The following TNXB variants were observed in gnomAD, a reference collection of about 807,000 sequenced individuals.
TNXB encodes tenascin-X.
TNXB carries 183 observed loss-of-function variants against 340.5 expected under a neutral mutation model. The ratio of observed to expected loss-of-function variants is 0.54; its 90% CI spans 0.48 to 0.61. The LOEUF (loss-of-function observed/expected upper bound fraction) is 0.61. Ranked by LOEUF, TNXB falls within the 20% of genes least tolerant of loss-of-function variation. The pLI is 0.00. For missense variants in TNXB, 4,613 were observed against 5,446.4 expected (o/e 0.85, Z 4.82); for synonymous variants, 2,121 against 2,314.5 (o/e 0.92, Z 2.40).
chr6:32,071,027 G>C (rs1778740848), intron 13 of TNXB, among the ~76,000 whole-genome samples: 1 of 152,204 alleles, frequency 6.6e-6, no homozygotes, highest in Non-Finnish European at 1.5e-5. Flanking sequence ...AGGCAGGGAA[G>C]GGATCTGGTG....
chr6:32,074,387 T>C lies in TNXB; in HGVS notation c.4376-435A>G, dbSNP rs1758201175. 6.6e-6 allele frequency among the ~76,000 whole-genome samples: 1 copy of C among 152,228 alleles called. No homozygotes were observed. The highest frequency in any genetic ancestry group is 2.4e-5 in the African/African-American group (1 of 41,466). ...ATGTAAAAGCGCATTGATCTGAACA[T>C]CTGTCTGGTCAACAGTCCTTCACTA... On this transcript the variant is annotated intron_variant, in intron 11 of 43. Coordinates refer to ENST00000644971, the MANE Select transcript of TNXB (RefSeq NM_001365276.2). This position sits in a 1 kb window ranked among gnomAD's most constrained non-coding sequence, Gnocchi z 5.5.
rs1474195317 is a variant in TNXB at position 32,087,740 on chromosome 6, C to T, written c.2779+1045G>A. ...GTCTGGTTGGCCCGCAGTGGGTAGC[C>T]GTGAGCCCGCAGGTGGCGCTCCAGG... On this transcript the variant is annotated intron_variant, in intron 6 of 43. Coordinates refer to ENST00000644971, the MANE Select transcript of TNXB (RefSeq NM_001365276.2). The surrounding 1 kb of genome is among the most constrained non-coding windows in gnomAD (Gnocchi z 9.0). 1 of 498,768 alleles carries T rather than the reference C, an allele frequency of 2.0e-6. No homozygotes were observed. The highest frequency in any genetic ancestry group is 4.0e-6 in the Non-Finnish European group (1 of 251,310). 30.9% of individuals were successfully genotyped at this position (498,768 alleles called of 1,614,324 possible). A position where few individuals can be genotyped will look rare whatever the true frequency, so the allele number is the denominator to read the frequency against.
In TNXB at chr6:32,081,126, G is replaced by T. The variant is rs1779400217; in HGVS notation, c.4042+242C>A. ...ATGAGTCCAGGTGTTTGGAATGGGG[G>T]AAAATAGGACCTGCCCTTGGAGATG... On this transcript the variant is annotated intron_variant, in intron 10 of 43. Transcript: ENST00000644971. The surrounding 1 kb of genome is among the most constrained non-coding windows in gnomAD (Gnocchi z 5.1). Among the ~76,000 whole-genome samples the T allele has an allele frequency of 1.3e-5, 2 of 152,146 alleles. No individual in the cohort carries two copies. Among genetic ancestry groups the T allele is most frequent in the African/African-American group, 4.8e-5 (2 of 41,430 alleles).
chr6:32,053,015 G>A (rs779693355), intron 25 of TNXB, 22 bp from the exon 26 acceptor site: 80 of 1,601,674 alleles, frequency 5.0e-5, no homozygotes, highest in Non-Finnish European at 5.6e-5. Flanking sequence ...GGACAGAGAA[G>A]GTGAGGCAGC....
chr6:32,101,364 C>G (rs1168629936), intron 1 of TNXB, among the ~76,000 whole-genome samples: 1 of 152,104 alleles, frequency 6.6e-6, no homozygotes, highest in African/African-American at 2.4e-5. Context: ...TCTTGGCTCA[C>G]TGCAAGCTCT....
chr6:32,053,517 C>A lies in TNXB; in HGVS notation c.8662G>T (p.Val2888Leu), dbSNP rs1777428933. The A allele has an allele frequency of 6.2e-7, 1 of 1,613,498 alleles. No individual in the cohort carries two copies. The highest frequency in any genetic ancestry group is 1.3e-5 in the African/African-American group (1 of 74,928). ...YRNGDGQPKV[V>L]RVPGHEDGVT... is the part of the protein sequence containing the mutation. ...CCGTCCTCGTGCCCCGGCACCCGCA[C>A]CACCTTGGGCTGCCCATCCCCATTC... Residue 2888 changes from valine (V) to leucine (L), a missense_variant, in exon 25 of 44, where the codon GTG becomes TTG. This residue lies in a region of TNXB where 4,327 missense variants were observed against 4,859.4 expected (regional missense o/e 0.89). Coordinates refer to ENST00000644971, the MANE Select transcript of TNXB (RefSeq NM_001365276.2).
rs957352855 is a variant in TNXB at position 32,096,210 on chromosome 6, C to T, written c.1643G>A (p.Gly548Asp). Residue 548 changes from glycine (G) to aspartate (D), a missense_variant, in exon 3 of 44, where the codon GGC becomes GAC. Transcript: ENST00000644971. ...CGTGCTGCAGTCTTCCCCTGAGTAG[C>T]CTGCGTCACACACGCACACGCCATC... ...CEDGVCVCDA[G>D]YSGEDCSTRS... 6.4e-7 allele frequency: 1 copy of T among 1,568,562 alleles called. No homozygotes were observed. Among genetic ancestry groups the T allele is most frequent in the Non-Finnish European group, 8.6e-7 (1 of 1,160,006 alleles).
At chr6:32,078,254 C>T (rs1424273099) in intron 11 of TNXB, among the ~76,000 whole-genome samples, 2 of 151,800 alleles carry the variant, frequency 1.3e-5, no homozygotes, top group African/African-American at 4.8e-5. Context: ...TTGAGACCAG[C>T]CTGGCCAACA....
chr6:32,098,111 A>C lies in TNXB; in HGVS notation c.88T>G (p.Ser30Ala), dbSNP rs1196850911. 1 of 1,600,760 alleles carries C rather than the reference A, an allele frequency of 6.2e-7. No homozygotes were observed. The highest frequency in any genetic ancestry group is 1.1e-5 in the South Asian group (1 of 89,270). Residue 30 changes from serine to alanine, a missense_variant, in exon 2 of 44, where the codon TCC becomes GCC. Ser to Ala is a moderately conservative substitution (Grantham distance 99). Around this residue, in one of 7 missense-constraint regions of TNXB, gnomAD observed 4,327 missense variants for 4,859.4 expected, o/e 0.89. Transcript: ENST00000644971. ...TARAGPFSSR[S>A]NVTLPAPRPP... ...CGGGGGGCTGGCAGTGTCACATTGG[A>C]CCGTGAAGAGAAGGGGCCTGCTCTG...
chr6:32,055,820 A>G, intron 24 of TNXB, 31 bp downstream of exon 24: 1 of 1,592,656 alleles, frequency 6.3e-7, no homozygotes, highest in Non-Finnish European at 8.6e-7. Context: ...AACATCTTCT[A>G]GGGCCATCTT....
In TNXB at chr6:32,062,453, G is replaced by A; in HGVS notation, c.6872C>T (p.Ala2291Val). ...TTCAGGGGTGGGAGGTTCTGTCGAG[G>A]CTGGGGCCATTTCTTCATCCTTTCC... ...APGKDEEMAP[A>V]STEPPTPEPP... Residue 2291 changes from alanine to valine, a missense_variant, in exon 20 of 44, where the codon GCC becomes GTC. Physicochemically the swap from Ala to Val is moderately conservative, Grantham distance 64. This residue lies in a region of TNXB where 4,327 missense variants were observed against 4,859.4 expected (regional missense o/e 0.89). Coordinates refer to ENST00000644971, the MANE Select transcript of TNXB (RefSeq NM_001365276.2). The surrounding 1 kb of genome is among the most constrained non-coding windows in gnomAD (Gnocchi z 4.3). 2 of 1,608,624 alleles carry A rather than the reference G, an allele frequency of 1.2e-6. No individual in the cohort carries two copies. Among genetic ancestry groups the A allele is most frequent in the Non-Finnish European group, 8.5e-7 (1 of 1,176,524 alleles).
At chr6:32,057,563 T>A (rs1316990869) in intron 22 of TNXB, among the ~76,000 whole-genome samples, 1 of 152,072 alleles carries the variant, frequency 6.6e-6, no homozygotes, top group Non-Finnish European at 1.5e-5. Flanking sequence ...GGCAACCACA[T>A]CCTCATCCCT....
chr6:32,086,149 G>C, intron 6 of TNXB, 31 bp from the exon 7 acceptor site: 1 of 1,463,414 alleles, frequency 6.8e-7, no homozygotes, highest in Non-Finnish European at 9.0e-7. Flanking sequence ...AAAAAGAGGA[G>C]AGTCCAGTAT....
At position 32,079,149 on chromosome 6, in the gene TNXB, C is replaced by T. The variant is rs1779287558; in HGVS notation, c.4259G>A (p.Gly1420Asp). 3.7e-6 allele frequency: 6 copies of T among 1,613,852 alleles called. No homozygotes were observed. Among genetic ancestry groups the T allele is most frequent in the Non-Finnish European group, 4.2e-6 (5 of 1,179,900 alleles). Reference sequence around the variant, plus strand: ...TCCCACGGTGACCTCACTCTCCTTGCCCCCAACACGCACCGCCCGGGGCCG... The same window carrying T: ...TCCCACGGTGACCTCACTCTCCTTGTCCCCAACACGCACCGCCCGGGGCCG... Reference protein sequence around the residue: ...DGRPRAVRVGGKESEVTVGGL... With the variant: ...DGRPRAVRVGDKESEVTVGGL... The change falls in exon 11 of 44, where the codon GGC becomes GAC. Residue 1420 changes from glycine to aspartate, a missense_variant. Gly to Asp is a moderately conservative substitution (Grantham distance 94, BLOSUM62 -1). This residue lies in a region of TNXB where 4,327 missense variants were observed against 4,859.4 expected (regional missense o/e 0.89). Coordinates refer to ENST00000644971, the MANE Select transcript of TNXB (RefSeq NM_001365276.2). The surrounding 1 kb of genome is among the most constrained non-coding windows in gnomAD (Gnocchi z 7.1).
At chr6:32,088,336 A>G (rs1779911855) in intron 6 of TNXB, among the ~76,000 whole-genome samples, 1 of 152,134 alleles carries the variant, frequency 6.6e-6, no homozygotes, top group Non-Finnish European at 1.5e-5. Flanking sequence ...ATCTGTTAAG[A>G]AACCTCGAGG....
Position 32,098,038 on chromosome 6 carries a change from C to T in TNXB, c.161G>A (p.Ser54Asn). ...GTGCTCGTAAAGCTGAGAAGAGGGG[C>T]TTCCCACTCCAGCCCCCACTGTGTG... Reference protein sequence around the residue: ...GGHTVGAGVGSPSSQLYEHTV... With the variant: ...GGHTVGAGVGNPSSQLYEHTV... The change falls in exon 2 of 44, where the codon AGC (serine) becomes AAC (asparagine). Residue 54 changes from serine (S) to asparagine (N), a missense_variant. Transcript: ENST00000644971. The T allele has an allele frequency of 6.2e-7, 1 of 1,607,226 alleles. No individual in the cohort carries two copies. Among genetic ancestry groups the T allele is most frequent in the Non-Finnish European group, 8.5e-7 (1 of 1,178,068 alleles).
In TNXB at chr6:32,068,063, G is replaced by A. The variant is rs1778502037; in HGVS notation, c.6221-79C>T. ...GAGGGAGAAGCCAAGGCTATGACTG[G>A]GGGACCCGAGGTCAGTTCAGAGAGG... On this transcript the variant is annotated intron_variant, in intron 17 of 43. Coordinates refer to ENST00000644971, the MANE Select transcript of TNXB (RefSeq NM_001365276.2). The surrounding 1 kb of genome is among the most constrained non-coding windows in gnomAD (Gnocchi z 5.3). 6.5e-6 allele frequency: 10 copies of A among 1,533,658 alleles called. No individual in the cohort carries two copies. Among genetic ancestry groups the A allele is most frequent in the Non-Finnish European group, 8.8e-6 (10 of 1,138,510 alleles).
At chr6:32,100,371 C>T (rs1780655039) in intron 1 of TNXB, among the ~76,000 whole-genome samples, 1 of 152,178 alleles carries the variant, frequency 6.6e-6, no homozygotes, top group African/African-American at 2.4e-5. Context: ...TCCCAAAGTG[C>T]TAGGATTACA....
Position 32,069,766 on chromosome 6 carries a change from C to T in TNXB, c.5374G>A (p.Val1792Met), listed in dbSNP as rs760624007. 11 of 1,607,964 alleles carry T rather than the reference C, an allele frequency of 6.8e-6. No individual in the cohort carries two copies. Among genetic ancestry groups the T allele is most frequent in the South Asian group, 3.3e-5 (3 of 90,110 alleles). Reference protein sequence around the residue: ...LQVTTVTQNSVGLSWTVPEGQ... With the variant: ...LQVTTVTQNSMGLSWTVPEGQ... ...TCAGGGACTGTCCAGGAGAGGCCCA[C>T]GGAGTTCTGGGTCACGGTGGTCACC... is the stretch of plus-strand genomic sequence containing the variant. The change falls in exon 15 of 44, where the codon GTG (valine) becomes ATG (methionine). Residue 1792 changes from valine to methionine, a missense_variant. This residue lies in a region of TNXB where 4,327 missense variants were observed against 4,859.4 expected (regional missense o/e 0.89). Coordinates refer to ENST00000644971, the MANE Select transcript of TNXB (RefSeq NM_001365276.2). The surrounding 1 kb of genome is among the most constrained non-coding windows in gnomAD (Gnocchi z 6.2).
Sources: gnomAD v4.1 joint callset for allele counts (sites outside exome capture counted in the v4.1 genomes callset) on GRCh38, gnomAD v4.1.1 for gene constraint, gnomAD v4.1.1 regional missense constraint, Gnocchi (gnomAD v3.1) non-coding constraint, MANE v1.5 for transcripts, NCBI Gene and HGNC (gene_info 2026-07-23, HGNC 2026-07-21) for gene names.